UNC5C: variants seen among roughly 807,000 people sequenced by gnomAD.
UNC5C encodes the protein unc-5 netrin receptor C.
Under a neutral mutation model 99.8 loss-of-function variants are expected in UNC5C, and 47 were observed. That is an observed-to-expected ratio of 0.47 (90% CI 0.37 to 0.60). The LOEUF is 0.60. UNC5C is among the 20% of genes least tolerant of loss of function. The pLI, the probability that UNC5C is intolerant of heterozygous loss-of-function variation, is 0.00. For synonymous variants in UNC5C, 487 were observed against 452.2 expected (o/e 1.08, Z -0.98); for missense variants, 1,062 against 1,165.9 (o/e 0.91, Z 1.30).
chr4:95,247,263 A>G (rs997749813), intron 5 of UNC5C, among the ~76,000 whole-genome samples: 1 of 152,046 alleles, frequency 6.6e-6, no homozygotes, highest in African/African-American at 2.4e-5. Flanking sequence ...TTAGATATAT[A>G]TGTTTTCTAT....
Position 95,169,327 on chromosome 4 carries a change from G to C in UNC5C, c.2703C>G (p.Phe901Leu). The C allele has an allele frequency of 6.2e-7, 1 of 1,614,240 alleles. No individual in the cohort carries two copies. Among genetic ancestry groups the C allele is most frequent in the Middle Eastern group, 1.6e-4 (1 of 6,062 alleles). Residue 901 changes from phenylalanine (F) to leucine (L), a missense_variant, in exon 16 of 16, where the codon TTC (phenylalanine) becomes TTG (leucine). Physicochemically the swap from Phe to Leu is conservative, Grantham distance 22. This residue lies in a region of UNC5C where 810 missense variants were observed against 854.5 expected (regional missense o/e 0.95). Transcript: ENST00000453304. ...CCAGCATGCTCAGGTTTCCATCTGG[G>C]AAGTTCTGTGCTTCCCAAAGATCCA... is the stretch of plus-strand genomic sequence containing the variant. ...VILDLWEAQN[F>L]PDGNLSMLAA...
At position 95,301,498 on chromosome 4, in the gene UNC5C, C is replaced by A. The variant is rs1288581924; in HGVS notation, c.490+108G>T. The A allele has an allele frequency of 2.6e-6, 4 of 1,515,536 alleles. No homozygotes were observed. In the South Asian group the frequency reaches 3.7e-5, roughly 14 times the overall value. 93.9% of individuals were successfully genotyped at this position (1,515,536 alleles called of 1,614,324 possible). On this transcript the variant is annotated intron_variant, in intron 3 of 15. Transcript: ENST00000453304. ...GCGTGAGTCACCGCGCCTGGCCTTT[C>A]CAGGATTTTTGACCAGTTTTCTTTG...
chr4:95,524,679 C>T (rs939441099), intron 1 of UNC5C, among the ~76,000 whole-genome samples: 1 of 152,202 alleles, frequency 6.6e-6, no homozygotes, highest in South Asian at 2.1e-4. Context: ...CACTTACTCA[C>T]GTAACCTCAT....
chr4:95,241,645 A>C (rs1159833794), intron 7 of UNC5C, among the ~76,000 whole-genome samples: 1 of 152,190 alleles, frequency 6.6e-6, no homozygotes, highest in Non-Finnish European at 1.5e-5. Context: ...ATGATTTCAG[A>C]ATAATTCTTA....
In UNC5C at chr4:95,548,966, G is replaced by A; in HGVS notation, c.-109C>T. 20 of 1,434,104 alleles carry A rather than the reference G, an allele frequency of 1.4e-5. No homozygotes were observed. In the South Asian group the frequency reaches 2.6e-4, roughly 19 times the overall value. The allele number at this position is 1,434,104 out of a possible 1,614,324, so 88.8% of individuals were successfully genotyped here. On this transcript the variant is annotated 5_prime_UTR_variant, in exon 1 of 16. Coordinates refer to ENST00000453304, the MANE Select transcript of UNC5C (RefSeq NM_003728.4). ...TCCGTGCACCGCGAAGCAGTCCGAA[G>A]AAATAACGACAACCAAGCGCCACAC... is the stretch of plus-strand genomic sequence containing the variant.
chr4:95,260,848 A>C (rs1179251792), intron 4 of UNC5C, among the ~76,000 whole-genome samples: 1 of 152,090 alleles, frequency 6.6e-6, no homozygotes, highest in Non-Finnish European at 1.5e-5. Context: ...AAAAGGAGAA[A>C]AACAAGAAGC....
intron 1 of UNC5C, among the ~76,000 whole-genome samples, chr4:95,365,966 T>C (rs566582363): frequency 7.7e-4 from 117 of 151,990 alleles, no homozygotes; most frequent in African/African-American, 2.7e-3. Flanking sequence ...ATCAAAATTA[T>C]AAGCTGTAAT....
intron 1 of UNC5C, among the ~76,000 whole-genome samples, chr4:95,527,779 T>A (rs981463891): frequency 6.6e-6 from 1 of 152,156 alleles, no homozygotes; most frequent in Non-Finnish European, 1.5e-5. Flanking sequence ...GAAGTTTCTT[T>A]ACTTTTTTAA....
intron 1 of UNC5C, among the ~76,000 whole-genome samples, chr4:95,396,249 G>A (rs1485332950): frequency 6.6e-6 from 1 of 152,098 alleles, no homozygotes. Flanking sequence ...TCATTAATTA[G>A]CTCTATCATC....
intron 14 of UNC5C, among the ~76,000 whole-genome samples, chr4:95,179,902 GTTTATA>G (rs1408040924): frequency 1.3e-5 from 2 of 151,780 alleles, no homozygotes; most frequent in East Asian, 1.9e-4. Context: ...GCTAATTTTT[GTTTATA>G]TTTAGTTTTC....
At chr4:95,465,328 T>G (rs1473877994) in intron 1 of UNC5C, among the ~76,000 whole-genome samples, 1 of 152,112 alleles carries the variant, frequency 6.6e-6, no homozygotes, top group Non-Finnish European at 1.5e-5. Context: ...ACAAAAGAAG[T>G]GCAATCATCA....
At chr4:95,351,926 C>T (rs568939088) in intron 1 of UNC5C, among the ~76,000 whole-genome samples, 137 of 152,202 alleles carry the variant, frequency 9.0e-4, no homozygotes, top group Non-Finnish European at 1.8e-3. Context: ...CAAACTTCCT[C>T]CTCTTTGGGG....
intron 1 of UNC5C, among the ~76,000 whole-genome samples, chr4:95,370,226 A>C (rs114763366): frequency 0.064 from 9,744 of 152,254 alleles, 375 homozygotes; most frequent in African/African-American, 0.1. Flanking sequence ...ATAATATTTT[A>C]TTATGGAATA....
chr4:95,420,232 A>G (rs752172428), intron 1 of UNC5C, among the ~76,000 whole-genome samples: 1 of 152,192 alleles, frequency 6.6e-6, no homozygotes, highest in Non-Finnish European at 1.5e-5. Flanking sequence ...TTGAACAAGT[A>G]CCAAGACAGT....
chr4:95,476,184 C>T (rs911302006), intron 1 of UNC5C, among the ~76,000 whole-genome samples: 32 of 152,070 alleles, frequency 2.1e-4, no homozygotes, highest in South Asian at 4.1e-4. Context: ...AATGAGAGAA[C>T]TTCCCTCTGG....
At chr4:95,394,225 C>G (rs1745443818) in intron 1 of UNC5C, among the ~76,000 whole-genome samples, 1 of 151,524 alleles carries the variant, frequency 6.6e-6, no homozygotes, top group East Asian at 1.9e-4. Context: ...TAACAGATTT[C>G]TATCCACTTC....
intron 7 of UNC5C, among the ~76,000 whole-genome samples, chr4:95,224,306 C>T (rs1738591063): frequency 6.6e-6 from 1 of 152,062 alleles, no homozygotes; most frequent in Non-Finnish European, 1.5e-5. Flanking sequence ...AAAGAATCAG[C>T]GTGGTCCTGC....
At chr4:95,439,377 GT>G (rs1315077315) in intron 1 of UNC5C, among the ~76,000 whole-genome samples, 1 of 131,276 alleles carries the variant, frequency 7.6e-6, no homozygotes, top group Non-Finnish European at 1.6e-5. Flanking sequence ...GTTACATGAG[GT>G]TTTGGTTTTT....
At chr4:95,367,293 CAAGTAG>C in intron 1 of UNC5C, among the ~76,000 whole-genome samples, 1 of 151,434 alleles carries the variant, frequency 6.6e-6, no homozygotes, top group Admixed American at 6.6e-5. Context: ...CTTAGCCTCA[CAAGTAG>C]TTGGGATTAT....
Sources: gnomAD v4.1 joint callset for allele counts (sites outside exome capture counted in the v4.1 genomes callset) on GRCh38, gnomAD v4.1.1 for gene constraint, gnomAD v4.1.1 regional missense constraint, MANE v1.5 for transcripts, NCBI Gene and HGNC (gene_info 2026-07-23, HGNC 2026-07-21) for gene names.